Variants in HELLS observed in about 807,000 individuals in gnomAD.
HELLS encodes helicase, lymphoid specific.
Under a neutral mutation model 120.0 loss-of-function variants are expected in HELLS, and 32 were observed. The ratio of observed to expected loss-of-function variants is 0.27; its 90% CI spans 0.20 to 0.36. The LOEUF is 0.36. HELLS is among the 10% of genes least tolerant of loss of function. The pLI, the probability that HELLS is intolerant of heterozygous loss-of-function variation, is 1.00. For synonymous variants in HELLS, 341 were observed against 323.4 expected (o/e 1.05, Z -0.58); for missense variants, 650 against 993.4 (o/e 0.65, Z 4.65).
chr10:94,550,627 T>C (rs911483199), intron 2 of HELLS, among the ~76,000 whole-genome samples: 12 of 152,116 alleles, frequency 7.9e-5, no homozygotes, highest in African/African-American at 1.7e-4. Context: ...CGGTGGCTCA[T>C]GCCTGTAATC....
At chr10:94,579,683 A>G (rs575929378) in intron 10 of HELLS, among the ~76,000 whole-genome samples, 3 of 151,890 alleles carry the variant, frequency 2.0e-5, no homozygotes, top group Non-Finnish European at 1.5e-5. Context: ...CCGGGACTAC[A>G]GGCGTCCGTC....
At chr10:94,568,845 C>CTT (rs35081827) in intron 6 of HELLS, among the ~76,000 whole-genome samples, 3,744 of 146,946 alleles carry the variant, frequency 0.025, 47 homozygotes, top group Non-Finnish European at 0.032. Context: ...ACCTTTATCA[C>CTT]TTTTTTTTTT....
chr10:94,589,760 T>C lies in HELLS; in HGVS notation c.1489-653T>C, dbSNP rs535008296. Among the ~76,000 whole-genome samples, 14 of 149,382 alleles carry C rather than the reference T, an allele frequency of 9.4e-5. No homozygotes were observed. In the East Asian group the frequency reaches 2.2e-3, roughly 24 times the overall value. ...GGAGTGTAGTGGCATGATCTTGGCT[T>C]ACTGCAAGCTCCGCCTCCCGGGTTC... On this transcript the variant is annotated intron_variant, in intron 13 of 21. Coordinates refer to ENST00000348459, the MANE Select transcript of HELLS (RefSeq NM_018063.5).
intron 2 of HELLS, among the ~76,000 whole-genome samples, chr10:94,547,826 C>T (rs1324095761): frequency 1.3e-5 from 2 of 152,144 alleles, no homozygotes; most frequent in Non-Finnish European, 2.9e-5. Flanking sequence ...CTAGAATGCA[C>T]ATTTTTTAAC....
chr10:94,563,893 C>T (rs567821584), intron 6 of HELLS, among the ~76,000 whole-genome samples: 1 of 151,204 alleles, frequency 6.6e-6, no homozygotes, highest in Non-Finnish European at 1.5e-5. Flanking sequence ...TTACCGCATC[C>T]TCCGCTTCCC....
chr10:94,556,882 A>T (rs1326928386), intron 3 of HELLS, among the ~76,000 whole-genome samples: 1 of 152,194 alleles, frequency 6.6e-6, no homozygotes, highest in African/African-American at 2.4e-5. Context: ...TATGTCTGTA[A>T]GCAATTTGAC....
chr10:94,590,933 C>T (rs574271215), intron 15 of HELLS, among the ~76,000 whole-genome samples, 157 bp downstream of exon 15: 5 of 152,014 alleles, frequency 3.3e-5, no homozygotes, highest in Non-Finnish European at 7.4e-5. Context: ...GTCTTCTTTC[C>T]GAAATTTCAG....
At chr10:94,549,247 A>C (rs1054646798) in intron 2 of HELLS, among the ~76,000 whole-genome samples, 2 of 152,182 alleles carry the variant, frequency 1.3e-5, no homozygotes, top group African/African-American at 2.4e-5. Flanking sequence ...AACTATGCAC[A>C]GGTAGAGATT....
At chr10:94,606,016 T>C (rs1846124848), downstream of HELLS, among the ~76,000 whole-genome samples, 5 of 152,052 alleles carry the variant, frequency 3.3e-5, no homozygotes, top group South Asian at 1.0e-3. Context: ...TCTTTGTCTT[T>C]TGTATTCTAA....
At chr10:94,593,122 A>AC (rs1461751866) in intron 17 of HELLS, among the ~76,000 whole-genome samples, 10 of 152,326 alleles carry the variant, frequency 6.6e-5, no homozygotes, top group African/African-American at 2.4e-4. Context: ...TTTATACCTA[A>AC]CCCCTATTAA....
chr10:94,555,746 G>A (rs143331933), intron 3 of HELLS, among the ~76,000 whole-genome samples: 126 of 152,020 alleles, frequency 8.3e-4, no homozygotes, highest in African/African-American at 2.8e-3. Flanking sequence ...CTCCCACCTC[G>A]GCCTCCCGAG....
downstream of HELLS, among the ~76,000 whole-genome samples, chr10:94,605,466 A>T (rs1384923098): frequency 1.3e-5 from 2 of 152,072 alleles, no homozygotes; most frequent in Non-Finnish European, 2.9e-5. Context: ...AAAGAATTCA[A>T]GGGAAATGAA....
At chr10:94,589,741 T>C (rs1187817798) in intron 13 of HELLS, among the ~76,000 whole-genome samples, 3 of 144,850 alleles carry the variant, frequency 2.1e-5, no homozygotes. Flanking sequence ...GGCTGGAGTG[T>C]AGTGGCATGA....
intron 12 of HELLS, among the ~76,000 whole-genome samples, chr10:94,587,050 T>C (rs1351619698): frequency 2.0e-5 from 3 of 152,072 alleles, no homozygotes; most frequent in Admixed American, 2.0e-4. Context: ...ACCCGAATAT[T>C]TTAATGCATA....
At chr10:94,611,112 C>A (rs948874439) in exon 10 of HELLS, 1 of 152,158 alleles carries the variant, frequency 6.6e-6, no homozygotes, top group African/African-American at 2.4e-5. Context: ...GTGTTCTTTT[C>A]TGGCTGTACT....
chr10:94,557,230 C>T, intron 3 of HELLS: 1 of 386,372 alleles, frequency 2.6e-6, no homozygotes, highest in Non-Finnish European at 5.3e-6. Flanking sequence ...ACAGTAAGTC[C>T]CGGTGTCCCC....
At chr10:94,590,824 T>C in intron 15 of HELLS, 48 bp downstream of exon 15, 1 of 1,082,882 alleles carries the variant, frequency 9.2e-7, no homozygotes, top group Non-Finnish European at 1.3e-6. Flanking sequence ...CCATTACTTT[T>C]ATATTGGTGG....
chr10:94,605,072 T>TCC (rs3054948), downstream of HELLS, among the ~76,000 whole-genome samples: 475 of 66,766 alleles, frequency 7.1e-3, 52 homozygotes, highest in Non-Finnish European at 8.9e-3. Flanking sequence ...GTCTTGTGTC[T>TCC]CCCCCCCCCC....
intron 3 of HELLS, among the ~76,000 whole-genome samples, 173 bp downstream of exon 3, chr10:94,554,421 A>G (rs1843140053): frequency 6.6e-6 from 1 of 152,210 alleles, no homozygotes; most frequent in Non-Finnish European, 1.5e-5. Flanking sequence ...GATACAGTGC[A>G]CTTCCATGAA....
Sources: allele counts gnomAD v4.1 joint callset (sites outside exome capture counted in the v4.1 genomes callset), GRCh38; gene constraint gnomAD v4.1.1; transcripts MANE v1.5; gene names NCBI Gene and HGNC (gene_info 2026-07-23, HGNC 2026-07-21).